CAST: variants seen among roughly 807,000 people sequenced by gnomAD.
CAST encodes the protein calpastatin, also known as MIR583 host.
A neutral mutation model predicts 119.6 loss-of-function variants in CAST; 76 were observed. That is an observed-to-expected ratio of 0.64 (90% confidence interval 0.53 to 0.77). The LOEUF is 0.77. Among genes scored for constraint, CAST ranks in the 30% least tolerant of loss-of-function variants. The probability of loss-of-function intolerance (pLI) is 0.00; values close to 1 mark genes in which losing one functional copy is unlikely to be tolerated. For synonymous variants in CAST, 319 were observed against 331.6 expected (o/e 0.96, Z 0.41); for missense variants, 953 against 946.5 (o/e 1.01, Z -0.09).
chr5:95,979,058 A>T, the CAST span, among the ~76,000 whole-genome samples: 5 of 152,356 alleles, frequency 3.3e-5, no homozygotes, highest in East Asian at 9.6e-4. Flanking sequence ...CAAGTGGTTC[A>T]TATTAAAGAA....
chr5:96,434,355 G>A, the CAST span, among the ~76,000 whole-genome samples: 1 of 152,224 alleles, frequency 6.6e-6, no homozygotes, highest in African/African-American at 2.4e-5. Flanking sequence ...GACTGCCGCA[G>A]GAGCTGCTCT....
intron 1 of CAST, among the ~76,000 whole-genome samples, chr5:96,654,109 C>T (rs529620503): frequency 2.6e-5 from 4 of 151,090 alleles, no homozygotes; most frequent in East Asian, 3.9e-4. Flanking sequence ...CTGCAACCTG[C>T]GCCTCCCGGA....
intron 1 of CAST, among the ~76,000 whole-genome samples, chr5:96,533,162 A>T (rs1345508172): frequency 1.3e-5 from 2 of 152,248 alleles, no homozygotes; most frequent in Non-Finnish European, 2.9e-5. Context: ...TTCCATGTTC[A>T]GCTAACCCTT....
At chr5:96,338,792 T>G in the CAST span, among the ~76,000 whole-genome samples, 1 of 152,156 alleles carries the variant, frequency 6.6e-6, no homozygotes, top group African/African-American at 2.4e-5. Context: ...TGCCTGGTTG[T>G]TTGTGCTCTA....
chr5:96,138,715 G>T, the CAST span, among the ~76,000 whole-genome samples: 1 of 151,272 alleles, frequency 6.6e-6, no homozygotes, highest in African/African-American at 2.4e-5. Flanking sequence ...TATTTTTTGG[G>T]TGCTATTTTA....
chr5:96,302,455 G>A, the CAST span, among the ~76,000 whole-genome samples: 1 of 152,002 alleles, frequency 6.6e-6, no homozygotes, highest in Non-Finnish European at 1.5e-5. Context: ...GAGAAAATGG[G>A]TTTTTCTTTT....
the CAST span, among the ~76,000 whole-genome samples, chr5:96,339,260 C>T: frequency 6.6e-6 from 1 of 152,052 alleles, no homozygotes; most frequent in Admixed American, 6.6e-5. Context: ...TAACATACGA[C>T]CCCAAGAAAC....
the CAST span, among the ~76,000 whole-genome samples, chr5:96,184,802 G>A: frequency 3.5e-4 from 53 of 152,084 alleles, no homozygotes; most frequent in Non-Finnish European, 6.0e-4. Context: ...TGTGAATAGT[G>A]CTGCAGTAAA....
chr5:96,283,113 G>A, the CAST span, among the ~76,000 whole-genome samples: 2 of 129,914 alleles, frequency 1.5e-5, no homozygotes, highest in Non-Finnish European at 3.1e-5. Flanking sequence ...CTGGGCCACA[G>A]AGCGAGACTC....
In CAST at chr5:96,762,258, T is replaced by G. The variant is rs1768246667; in HGVS notation, c.1834-16T>G. 6.3e-7 allele frequency: 1 copy of G among 1,576,814 alleles called. No individual in the cohort carries two copies. Among genetic ancestry groups the G allele is most frequent in the African/African-American group, 1.4e-5 (1 of 73,282 alleles). On this transcript the variant is annotated splice_polypyrimidine_tract_variant and intron_variant, in intron 24 of 31. Transcript: ENST00000675179. Reference sequence around the variant, plus strand: ...TATATACAACATGTTACTAATAAAATTTTTTTCAATAAAAGAAATTTGAAG... The same window carrying G: ...TATATACAACATGTTACTAATAAAAGTTTTTTCAATAAAAGAAATTTGAAG...
intron 1 of CAST, among the ~76,000 whole-genome samples, chr5:96,580,785 C>G (rs1411772209): frequency 6.6e-6 from 1 of 152,178 alleles, no homozygotes; most frequent in African/African-American, 2.4e-5. Context: ...TAGTAAGAAG[C>G]TAGAAATTGC....
Position 96,767,874 on chromosome 5 carries a change from C to G in CAST, c.2176-33C>G, listed in dbSNP as rs1368815917. ...CCATATTGCATTTTGCCTTCTGCTT[C>G]TTCACTGATGGTTATTTCTACTCAT... On this transcript the variant is annotated intron_variant, in intron 28 of 31. Transcript: ENST00000675179. 6.9e-6 allele frequency: 10 copies of G among 1,441,662 alleles called. No homozygotes were observed. In the African/African-American group the frequency reaches 1.1e-4, roughly 16 times the overall value. 89.3% of individuals were successfully genotyped at this position (1,441,662 alleles called of 1,614,324 possible).
At chr5:96,561,368 AAAAG>A (rs1477850054) in intron 1 of CAST, among the ~76,000 whole-genome samples, 3 of 151,094 alleles carry the variant, frequency 2.0e-5, no homozygotes, top group Non-Finnish European at 3.0e-5. Context: ...AAAAAAGAAA[AAAAG>A]GAAAATAAAA....
chr5:96,724,186 C>CT (rs11454845), intron 4 of CAST, among the ~76,000 whole-genome samples: 38,746 of 151,166 alleles, frequency 0.26, 5,337 homozygotes, highest in Non-Finnish European at 0.33. Context: ...AATTAAAAAT[C>CT]TTTTTTTTTC....
At chr5:96,413,014 G>A in the CAST span, 1 of 951,494 alleles carries the variant, frequency 1.1e-6, no homozygotes, top group Non-Finnish European at 1.2e-6. Context: ...CGCCACACAA[G>A]GACTCTGGAC....
chr5:96,265,792 GT>G, the CAST span, among the ~76,000 whole-genome samples: 1 of 152,052 alleles, frequency 6.6e-6, no homozygotes, highest in Non-Finnish European at 1.5e-5. Flanking sequence ...GCCTATTGAA[GT>G]TGAAAACCCG....
chr5:95,975,131 A>G, the CAST span, among the ~76,000 whole-genome samples: 2 of 152,330 alleles, frequency 1.3e-5, no homozygotes, highest in Middle Eastern at 6.8e-3. Context: ...CTGCATATAA[A>G]GTCACACCCC....
At chr5:96,084,218 G>A in the CAST span, among the ~76,000 whole-genome samples, 2 of 152,286 alleles carry the variant, frequency 1.3e-5, no homozygotes, top group East Asian at 1.9e-4. Context: ...ATGGCACAGT[G>A]GGTGGGTGGT....
chr5:96,154,630 G>A, the CAST span, among the ~76,000 whole-genome samples: 65 of 152,226 alleles, frequency 4.3e-4, no homozygotes, highest in African/African-American at 6.5e-4. Context: ...TTTAGTTGCC[G>A]CATCCCCATA....
Sources: gnomAD v4.1 joint callset for allele counts (sites outside exome capture counted in the v4.1 genomes callset) on GRCh38, gnomAD v4.1.1 for gene constraint, MANE v1.5 for transcripts, NCBI Gene and HGNC (gene_info 2026-07-23, HGNC 2026-07-21) for gene names.